The following HMCN1 variants were observed in gnomAD, a reference collection of about 807,000 sequenced individuals.
HMCN1 encodes hemicentin 1, also known as hemicentin-1.
A neutral mutation model predicts 625.9 loss-of-function variants in HMCN1; 321 were observed. The ratio of observed to expected loss-of-function variants is 0.51; its 90% confidence interval spans 0.47 to 0.56. The LOEUF (loss-of-function observed/expected upper bound fraction) is 0.56, where lower values mean the gene tolerates loss of function less well. Among genes scored for constraint, HMCN1 ranks in the 20% least tolerant of loss-of-function variants. The probability of loss-of-function intolerance (pLI) is 0.00; values close to 1 mark genes in which losing one functional copy is unlikely to be tolerated. For missense variants in HMCN1, 6,588 were observed against 6,887.3 expected (o/e 0.96, Z 1.54); for synonymous variants, 2,425 against 2,417.6 (o/e 1.00, Z -0.09).
At chr1:185,973,686 A>C (rs1254817502) in intron 15 of HMCN1, among the ~76,000 whole-genome samples, 1 of 151,982 alleles carries the variant, frequency 6.6e-6, no homozygotes, top group Non-Finnish European at 1.5e-5. Flanking sequence ...CATGGTTTTA[A>C]ATTATGGACA....
intron 72 of HMCN1, 151 bp from the exon 73 acceptor site, chr1:186,113,828 T>G (rs1660999296): frequency 6.8e-6 from 6 of 884,652 alleles, no homozygotes; most frequent in Non-Finnish European, 1.1e-5. Context: ...CTTTAGGAAT[T>G]AAACCTCAAT....
intron 11 of HMCN1, among the ~76,000 whole-genome samples, chr1:185,941,738 G>A (rs1267530682): frequency 6.6e-6 from 1 of 152,126 alleles, no homozygotes; most frequent in African/African-American, 2.4e-5. Context: ...AGTTACTTTT[G>A]CCTTTCATCT....
At chr1:185,769,125 A>G (rs1656060782) in intron 1 of HMCN1, among the ~76,000 whole-genome samples, 1 of 152,236 alleles carries the variant, frequency 6.6e-6, no homozygotes, top group South Asian at 2.1e-4. Context: ...TACTTTGGGA[A>G]TAGGGAGACT....
At chr1:185,926,441 A>G (rs952488493) in intron 9 of HMCN1, among the ~76,000 whole-genome samples, 1 of 152,232 alleles carries the variant, frequency 6.6e-6, no homozygotes, top group African/African-American at 2.4e-5. Context: ...ACCGGGATAT[A>G]AAATGATGAA....
At chr1:185,852,087 G>A (rs973818889) in intron 2 of HMCN1, among the ~76,000 whole-genome samples, 4 of 151,822 alleles carry the variant, frequency 2.6e-5, no homozygotes, top group Non-Finnish European at 2.9e-5. Context: ...TTTAAACTTC[G>A]GCAGGTTAAG....
At chr1:186,184,064 C>CT (rs1653122162) in intron 105 of HMCN1, among the ~76,000 whole-genome samples, 2 of 152,250 alleles carry the variant, frequency 1.3e-5, no homozygotes, top group South Asian at 4.1e-4. Context: ...GTGCCAGTTT[C>CT]TTTTTTTAAT....
At chr1:186,087,787 T>A in intron 60 of HMCN1, 142 bp downstream of exon 60, 1 of 1,159,272 alleles carries the variant, frequency 8.6e-7, no homozygotes. Flanking sequence ...TTGACTATTT[T>A]TATAAAAAAT....
chr1:186,177,519 T>TGATGGGAAAACATATTG (rs1286429836), intron 103 of HMCN1, among the ~76,000 whole-genome samples: 1 of 151,978 alleles, frequency 6.6e-6, no homozygotes, highest in Non-Finnish European at 1.5e-5. Context: ...ACATGAAAGG[T>TGATGGGAAAACATATTG]CTTGGGCAGA....
intron 1 of HMCN1, among the ~76,000 whole-genome samples, chr1:185,837,465 C>G (rs1338786029): frequency 6.6e-6 from 1 of 151,828 alleles, no homozygotes; most frequent in Non-Finnish European, 1.5e-5. Flanking sequence ...GTTGAACAAT[C>G]TCTTCAGATA....
At chr1:185,781,852 T>C (rs1225406007) in intron 1 of HMCN1, among the ~76,000 whole-genome samples, 1 of 152,232 alleles carries the variant, frequency 6.6e-6, no homozygotes. Flanking sequence ...GTTCTGTAGA[T>C]GTCTATTAGG....
chr1:185,763,339 A>G (rs1462381829), intron 1 of HMCN1, among the ~76,000 whole-genome samples: 7 of 152,166 alleles, frequency 4.6e-5, no homozygotes, highest in Non-Finnish European at 8.8e-5. Context: ...CAGGAATTAC[A>G]GGGAAACAAA....
At chr1:185,742,106 G>T (rs1295343483) in intron 1 of HMCN1, among the ~76,000 whole-genome samples, 1 of 152,144 alleles carries the variant, frequency 6.6e-6, no homozygotes, top group Non-Finnish European at 1.5e-5. Flanking sequence ...GTTTGAAACA[G>T]AATACTTGTG....
intron 93 of HMCN1, among the ~76,000 whole-genome samples, chr1:186,147,359 G>A (rs1489460442): frequency 1.3e-5 from 2 of 149,026 alleles, no homozygotes; most frequent in Non-Finnish European, 3.0e-5. Flanking sequence ...CCCCAATTCA[G>A]ACATAAGCTC....
intron 4 of HMCN1, among the ~76,000 whole-genome samples, chr1:185,873,874 T>A (rs989579297): frequency 1.3e-5 from 2 of 151,990 alleles, no homozygotes; most frequent in Non-Finnish European, 2.9e-5. Flanking sequence ...GAAGATCTTA[T>A]ATAATTGTCT....
chr1:186,052,842 A>C (rs1298115968), intron 42 of HMCN1, 110 bp from the exon 43 acceptor site: 1 of 941,658 alleles, frequency 1.1e-6, no homozygotes, highest in African/African-American at 1.6e-5. Context: ...ACCTCATATG[A>C]CAATTTCTTC....
At chr1:186,023,374 A>T (rs1654852345) in intron 36 of HMCN1, among the ~76,000 whole-genome samples, 1 of 150,354 alleles carries the variant, frequency 6.7e-6, no homozygotes, top group Admixed American at 6.7e-5. Context: ...GATATACTGG[A>T]GCTCATAATT....
chr1:185,859,824 T>C (rs1662751188), intron 2 of HMCN1, among the ~76,000 whole-genome samples: 1 of 152,006 alleles, frequency 6.6e-6, no homozygotes, highest in East Asian at 1.9e-4. Flanking sequence ...TTGCCATGCC[T>C]GGCTAATTTT....
intron 1 of HMCN1, among the ~76,000 whole-genome samples, chr1:185,745,153 A>C (rs1339239352): frequency 6.6e-6 from 1 of 152,224 alleles, no homozygotes; most frequent in Non-Finnish European, 1.5e-5. Flanking sequence ...CGTTACTCCC[A>C]GGCCAGTAAG....
intron 14 of HMCN1, among the ~76,000 whole-genome samples, chr1:185,970,109 C>T (rs1650706268): frequency 6.6e-6 from 1 of 152,124 alleles, no homozygotes; most frequent in African/African-American, 2.4e-5. Flanking sequence ...CAAAGAGCTC[C>T]TCCTTTTTTA....
Sources: gnomAD v4.1 joint callset for allele counts (sites outside exome capture counted in the v4.1 genomes callset) on GRCh38, gnomAD v4.1.1 for gene constraint, MANE v1.5 for transcripts, NCBI Gene and HGNC (gene_info 2026-07-23, HGNC 2026-07-21) for gene names.